The following PEX16 variants were observed in gnomAD, a reference collection of about 807,000 sequenced individuals.
PEX16 encodes peroxisomal biogenesis factor 16, also known as peroxin 16.
Under a neutral mutation model 50.5 loss-of-function variants are expected in PEX16, and 37 were observed. The ratio of observed to expected loss-of-function variants is 0.73; its 90% CI spans 0.56 to 0.96. PEX16 has a LOEUF of 0.96. Among genes scored for constraint, PEX16 ranks in the 40% least tolerant of loss-of-function variants. PEX16 has a pLI of 0.00. For synonymous variants in PEX16, 185 were observed against 190.3 expected, an observed-to-expected ratio of 0.97 and a Z score of 0.23; for missense variants, 401 against 438.3, an observed-to-expected ratio of 0.91 and a Z score of 0.76.
At chr11:45,914,270 C>A (rs1214271119) in intron 7 of PEX16, 46 bp downstream of exon 7, 3 of 1,613,608 alleles carry the variant, frequency 1.9e-6, no homozygotes, top group Non-Finnish European at 2.5e-6. Context: ...CCCACTCAAT[C>A]CCCAGCCCAC....
chr11:45,912,739 T>A (rs958752763), intron 9 of PEX16, among the ~76,000 whole-genome samples: 3 of 152,048 alleles, frequency 2.0e-5, no homozygotes, highest in African/African-American at 7.2e-5. Flanking sequence ...CCCGACCTTG[T>A]GATCCGCCCG....
upstream of PEX16, chr11:45,918,521 C>G (rs901220823): frequency 3.9e-5 from 6 of 152,642 alleles, no homozygotes; most frequent in African/African-American, 1.4e-4. Context: ...TGGACTGTGC[C>G]CCCCAAAGGG....
At position 45,915,678 on chromosome 11, in the gene PEX16, G is replaced by C. The variant is rs758527626; in HGVS notation, c.359+25C>G. 1.6e-5 allele frequency: 26 copies of C among 1,613,696 alleles called. No homozygotes were observed. The East Asian group carries it at 2.9e-4, about 18-fold the overall frequency. ...GCTAGCCTGCGTCACCCCCACCCAG[G>C]ACCCTCTCCACAATCCCAACCTACT... On this transcript the variant is annotated intron_variant, in intron 4 of 10. Transcript: ENST00000378750.
upstream of PEX16, chr11:45,917,985 C>G (rs905518746): frequency 5.0e-5 from 34 of 674,454 alleles, no homozygotes; most frequent in African/African-American, 5.3e-4. Flanking sequence ...CACCCCATCT[C>G]TTGAACCGCT....
intron 9 of PEX16, among the ~76,000 whole-genome samples, chr11:45,913,018 G>C (rs2086794755): frequency 6.7e-6 from 1 of 149,872 alleles, no homozygotes; most frequent in Non-Finnish European, 1.5e-5. Flanking sequence ...TTTTTTTGTA[G>C]AATTGGGTTG....
At chr11:45,915,878 A>G in intron 3 of PEX16, 42 bp from the exon 4 acceptor site, 1 of 1,584,806 alleles carries the variant, frequency 6.3e-7, no homozygotes, top group Non-Finnish European at 8.7e-7. Context: ...GCCTGGGACT[A>G]CAGGGAGTCC....
rs769772100 is a variant in PEX16 at position 45,913,847 on chromosome 11, G to A, written c.859C>T (p.Arg287Cys). The A allele has an allele frequency of 6.8e-6, 11 of 1,613,640 alleles. No homozygotes were observed. Among genetic ancestry groups the A allele is most frequent in the South Asian group, 2.2e-5 (2 of 91,094 alleles). Residue 287 changes from arginine (R) to cysteine (C), a missense_variant, in exon 9 of 11, where the codon CGC becomes TGC. Arg to Cys is a radical substitution (Grantham distance 180). Transcript: ENST00000378750. Reference sequence around the variant, plus strand: ...GAGAAGCGGTCATAGAAAGGAGAGCGCAGCAGGTAGTAGAGCAGCAGGATG... The same window carrying A: ...GAGAAGCGGTCATAGAAAGGAGAGCACAGCAGGTAGTAGAGCAGCAGGATG... ...RTILLLYYLL[R>C]SPFYDRFSEA... is the part of the protein sequence containing the mutation.
intron 9 of PEX16, 45 bp from the exon 10 acceptor site, chr11:45,911,007 T>C: frequency 8.6e-7 from 1 of 1,158,958 alleles, no homozygotes; most frequent in African/African-American, 1.5e-5. Context: ...GGGGTGGGGG[T>C]GGGTCCCTGC....
Position 45,917,860 on chromosome 11 carries a change from C to T in PEX16, c.-49G>A, listed in dbSNP as rs930688715. Reference sequence around the variant, plus strand: ...CACAGAAGGACCGTACGACAGGCTGCGGCGCCCTGCTTCCTGCGCCCTCCT... The same window carrying T: ...CACAGAAGGACCGTACGACAGGCTGTGGCGCCCTGCTTCCTGCGCCCTCCT... On this transcript the variant is annotated 5_prime_UTR_variant, in exon 1 of 11. Transcript: ENST00000378750. 2 of 1,332,564 alleles carry T rather than the reference C, an allele frequency of 1.5e-6. No individual in the cohort carries two copies. The highest frequency in any genetic ancestry group is 2.1e-6 in the Non-Finnish European group (2 of 961,984). 82.5% of individuals were successfully genotyped at this position (1,332,564 alleles called of 1,614,324 possible).
intron 9 of PEX16, among the ~76,000 whole-genome samples, chr11:45,913,146 T>G (rs4505038): frequency 0.51 from 77,695 of 152,018 alleles, 24,500 homozygotes; most frequent in Non-Finnish European, 0.7. Context: ...TAAGCTATTA[T>G]TAGGTCCTAG....
intron 2 of PEX16, among the ~76,000 whole-genome samples, chr11:45,916,598 G>A (rs1253528147): frequency 1.3e-5 from 2 of 152,232 alleles, no homozygotes; most frequent in African/African-American, 2.4e-5. Context: ...TCTCTGAACT[G>A]CCACAGATAC....
chr11:45,912,588 C>T (rs1331457752), intron 9 of PEX16, among the ~76,000 whole-genome samples: 1 of 152,224 alleles, frequency 6.6e-6, no homozygotes, highest in Non-Finnish European at 1.5e-5. Context: ...ACTGCAACCT[C>T]TGCCTCCTGG....
At chr11:45,915,655 T>C (rs1444753632) in intron 4 of PEX16, 48 bp downstream of exon 4, 1 of 1,613,022 alleles carries the variant, frequency 6.2e-7, no homozygotes, top group Non-Finnish European at 8.5e-7. Context: ...TCTGTGTAGC[T>C]AGCCTGCGTC....
chr11:45,914,860 C>A (rs2086817690), intron 5 of PEX16, among the ~76,000 whole-genome samples, 176 bp from the exon 6 acceptor site: 1 of 152,210 alleles, frequency 6.6e-6, no homozygotes, highest in South Asian at 2.1e-4. Context: ...CAAGACCCGT[C>A]CACAGAGGAA....
chr11:45,913,007 T>C (rs1183141771), intron 9 of PEX16, among the ~76,000 whole-genome samples: 1 of 151,876 alleles, frequency 6.6e-6, no homozygotes, highest in African/African-American at 2.4e-5. Context: ...TATTTTTTTT[T>C]TTTTTTTGTA....
intron 2 of PEX16, chr11:45,916,975 T>G (rs577682185): frequency 2.2e-6 from 1 of 461,208 alleles, no homozygotes. Context: ...TGGCCTCACC[T>G]CTGCTTTTCA....
rs2086772849 is a variant in PEX16 at position 45,910,966 on chromosome 11, G to T, written c.888-4C>A. The stretch of plus-strand genomic sequence containing the variant: ...GAGCAGGAAGAGGATCCTGGCCCTG[G>T]GGGAGGCAATAAATGGGGAGCAAGC... On this transcript the variant is annotated splice_region_variant and splice_polypyrimidine_tract_variant and intron_variant, in intron 9 of 10. Transcript: ENST00000378750. 1 of 1,612,776 alleles carries T rather than the reference G, an allele frequency of 6.2e-7. No individual in the cohort carries two copies. Among genetic ancestry groups the T allele is most frequent in the Non-Finnish European group, 8.5e-7 (1 of 1,179,624 alleles).
rs368734262 is a variant in PEX16 at position 45,913,958 on chromosome 11, T to C, written c.768-20A>G. 235 of 1,611,052 alleles carry C rather than the reference T, an allele frequency of 1.5e-4. No individual in the cohort carries two copies. Among genetic ancestry groups the C allele is most frequent in the Middle Eastern group, 3.3e-4 (2 of 6,018 alleles). Reference sequence around the variant, plus strand: ...CTCAGGCTGGGAGGCAGGGAGGACATGGTCAGGGCCAGGGGCATGATCTAG... The same window carrying C: ...CTCAGGCTGGGAGGCAGGGAGGACACGGTCAGGGCCAGGGGCATGATCTAG... On this transcript the variant is annotated intron_variant, in intron 8 of 10. Coordinates refer to ENST00000378750, the MANE Select transcript of PEX16 (RefSeq NM_004813.4).
At chr11:45,914,542 C>T (rs1236275499) in intron 6 of PEX16, 62 bp downstream of exon 6, 1 of 1,612,036 alleles carries the variant, frequency 6.2e-7, no homozygotes, top group Non-Finnish European at 8.5e-7. Flanking sequence ...TGACCAAAGC[C>T]AGTCCCTCAA....
Sources: gnomAD v4.1 joint callset for allele counts (sites outside exome capture counted in the v4.1 genomes callset) on GRCh38, gnomAD v4.1.1 for gene constraint, MANE v1.5 for transcripts, NCBI Gene and HGNC (gene_info 2026-07-23, HGNC 2026-07-21) for gene names.